The following PPHLN1 variants were observed in gnomAD, a reference collection of about 807,000 sequenced individuals.
The protein encoded by PPHLN1 is periphilin-1.
In PPHLN1, 29 loss-of-function variants were observed where a neutral mutation model predicts 51.3. The ratio of observed to expected loss-of-function variants is 0.57; its 90% CI spans 0.42 to 0.77. PPHLN1 has a LOEUF of 0.77. PPHLN1 is among the 30% of genes least tolerant of loss of function. The pLI is 0.00. For synonymous variants in PPHLN1, 147 were observed against 147.8 expected, an observed-to-expected ratio of 0.99 and a Z score of 0.04; for missense variants, 436 against 438.4, an observed-to-expected ratio of 0.99 and a Z score of 0.05.
downstream of PPHLN1, chr12:42,444,805 T>A: frequency 2.0e-6 from 1 of 510,714 alleles, no homozygotes; most frequent in Non-Finnish European, 3.5e-6. Flanking sequence ...AGTACTTCTG[T>A]AGTTATTCCT....
At chr12:42,403,269 C>A (rs538828211) in intron 9 of PPHLN1, among the ~76,000 whole-genome samples, 5 of 152,224 alleles carry the variant, frequency 3.3e-5, no homozygotes, top group Admixed American at 2.0e-4. Context: ...TTTAACAATC[C>A]ATTATTACCA....
intron 9 of PPHLN1, among the ~76,000 whole-genome samples, chr12:42,417,422 A>G (rs982443227): frequency 6.6e-6 from 1 of 152,038 alleles, no homozygotes; most frequent in African/African-American, 2.4e-5. Flanking sequence ...TGGGATAGGG[A>G]GGAGGGGGAG....
chr12:42,341,127 G>A (rs771022599), intron 2 of PPHLN1, among the ~76,000 whole-genome samples: 17 of 151,830 alleles, frequency 1.1e-4, no homozygotes, highest in Middle Eastern at 3.4e-3. Flanking sequence ...GATTACAGGC[G>A]CCTACCACCA....
intron 5 of PPHLN1, among the ~76,000 whole-genome samples, chr12:42,375,939 G>A (rs993284309): frequency 3.9e-5 from 6 of 152,110 alleles, no homozygotes; most frequent in Admixed American, 1.3e-4. Flanking sequence ...CTGTCACTAG[G>A]GAACTAGAAT....
chr12:42,354,683 A>T (rs11830387), intron 3 of PPHLN1, among the ~76,000 whole-genome samples: 1 of 152,032 alleles, frequency 6.6e-6, no homozygotes, highest in Admixed American at 6.5e-5. Context: ...AATAAGTGAC[A>T]GTTTCTTATA....
intron 2 of PPHLN1, among the ~76,000 whole-genome samples, chr12:42,350,574 A>G (rs2073175361): frequency 6.6e-6 from 1 of 152,184 alleles, no homozygotes; most frequent in Admixed American, 6.5e-5. Context: ...GTGGCCGGGC[A>G]GAGGCTGCAA....
intron 2 of PPHLN1, among the ~76,000 whole-genome samples, chr12:42,340,499 GA>G (rs1248214113): frequency 2.6e-5 from 4 of 152,134 alleles, no homozygotes; most frequent in Non-Finnish European, 5.9e-5. Flanking sequence ...ACACCAATGA[GA>G]ATCAATGGGC....
At chr12:42,446,106 G>A (rs1159959108), downstream of PPHLN1, 8 of 1,555,152 alleles carry the variant, frequency 5.1e-6, no homozygotes, top group Non-Finnish European at 6.1e-6. Context: ...CTGCAGCCCC[G>A]GAAGAAACGG....
rs141451136 is a variant in PPHLN1, at chr12:42,441,500, G to A, written c.1095G>A (p.Glu365=). 55 of 1,574,278 alleles carry A rather than the reference G, an allele frequency of 3.5e-5. 1 individual carries two copies. In the African/African-American group the frequency reaches 6.7e-4, roughly 19 times the overall value. Residue 365 remains glutamate, a synonymous_variant, in exon 10 of 10, where the codon GAG becomes GAA. Coordinates refer to ENST00000358314, the MANE Select transcript of PPHLN1 (RefSeq NM_201439.2). ...ATACTTCCACTCAAGATTTTGGAGA[G>A]CCTTTTTAGATTTTTCTGCTCAGGC... is the stretch of plus-strand genomic sequence containing the variant. ...EYDTSTQDFG[E]PF
intron 6 of PPHLN1, 49 bp downstream of exon 6, chr12:42,385,045 CTT>C: frequency 6.6e-7 from 1 of 1,512,914 alleles, no homozygotes; most frequent in Non-Finnish European, 9.2e-7. Context: ...GGGTGGGAGA[CTT>C]GAACTGATAG....
rs201675916 is a variant in PPHLN1, at chr12:42,372,141, A to T, written c.300-2722A>T. Among the ~76,000 whole-genome samples the T allele has an allele frequency of 9.2e-5, 14 of 152,102 alleles. No homozygotes were observed. The East Asian group carries it at 2.1e-3, about 23-fold the overall frequency. On this transcript the variant is annotated intron_variant, in intron 4 of 9. Transcript: ENST00000358314. ...TATATACATTATATAATACACACAC[A>T]CATATCTGAAAAAATGGCTAATATT...
chr12:42,446,028 C>A, downstream of PPHLN1: 8 of 1,549,750 alleles, frequency 5.2e-6, no homozygotes, highest in Non-Finnish European at 7.0e-6. Context: ...GGGCTAGGAC[C>A]CAACCAAGTA....
In PPHLN1 at chr12:42,421,599, C is replaced by G. The variant is rs140442348; in HGVS notation, c.910-19716C>G. ...CTGACCTTAGGCGATCCACCCGCCT[C>G]AGCCTTCCAAAGTGCTGGGATTACA... On this transcript the variant is annotated intron_variant, in intron 9 of 9. Transcript: ENST00000358314. Among the ~76,000 whole-genome samples, 1,437 of 152,266 alleles carry G rather than the reference C, an allele frequency of 9.4e-3. 16 individuals carry two copies. Among genetic ancestry groups the G allele is most frequent in the Non-Finnish European group, 0.013 (873 of 68,028 alleles).
chr12:42,333,235 A>G (rs2070061432), intron 1 of PPHLN1, among the ~76,000 whole-genome samples: 1 of 152,152 alleles, frequency 6.6e-6, no homozygotes. Context: ...TAATTGATCA[A>G]TTTACAAAAG....
rs141531023 is a variant in PPHLN1, at chr12:42,360,652, C to T, written c.299+5430C>T. ...TGGGACTACAGGCGTGTGCCACCAC[C>T]GCTGGCTAATTTTTGTATTTTTAGT... is the stretch of plus-strand genomic sequence containing the variant. On this transcript the variant is annotated intron_variant, in intron 4 of 9. Coordinates refer to ENST00000358314, the MANE Select transcript of PPHLN1 (RefSeq NM_201439.2). Among the ~76,000 whole-genome samples, 974 of 151,324 alleles carry T rather than the reference C, an allele frequency of 6.4e-3. 4 individuals carry two copies. Among genetic ancestry groups the T allele is most frequent in the Non-Finnish European group, 8.8e-3 (597 of 67,770 alleles).
chr12:42,445,300 G>A (rs2083251268), downstream of PPHLN1: 1 of 582,506 alleles, frequency 1.7e-6, no homozygotes, highest in Admixed American at 3.0e-5. Context: ...ACTAAACAAT[G>A]TCAACTTACC....
In PPHLN1 at chr12:42,412,160, A is replaced by G. The variant is rs79492601; in HGVS notation, c.909+13166A>G. ...GCGGAGGTTGCAGTGAGCCAAGATC[A>G]CGCCACTGCACTCCAGCCTGGGCGA... On this transcript the variant is annotated intron_variant, in intron 9 of 9. Transcript: ENST00000358314. Among the ~76,000 whole-genome samples the G allele has an allele frequency of 2.6e-3, 395 of 151,922 alleles. 16 individuals carry two copies. In the East Asian group the frequency reaches 0.07, roughly 27 times the overall value.
chr12:42,334,019 C>T (rs565149562), intron 1 of PPHLN1, among the ~76,000 whole-genome samples: 3 of 152,008 alleles, frequency 2.0e-5, no homozygotes, highest in South Asian at 4.1e-4. Context: ...GACATTTTTC[C>T]CCTTTGATTT....
chr12:42,372,269 A>C (rs2075875643), intron 4 of PPHLN1, among the ~76,000 whole-genome samples: 1 of 152,220 alleles, frequency 6.6e-6, no homozygotes, highest in Admixed American at 6.5e-5. Context: ...AGGGGAGAAG[A>C]GACATTATTC....
Sources: gnomAD v4.1 joint callset for allele counts (sites outside exome capture counted in the v4.1 genomes callset) on GRCh38, gnomAD v4.1.1 for gene constraint, MANE v1.5 for transcripts, NCBI Gene and HGNC (gene_info 2026-07-23, HGNC 2026-07-21) for gene names.